Variants in FOXK2 observed in about 807,000 individuals in gnomAD.
The protein encoded by FOXK2 is forkhead box protein K2.
FOXK2 carries 24 observed loss-of-function variants against 53.3 expected under a neutral mutation model. The observed-to-expected ratio is 0.45, with a 90% CI of 0.33 to 0.63. The LOEUF is 0.63. Ranked by LOEUF, FOXK2 falls within the 30% of genes least tolerant of loss-of-function variation. FOXK2 has a pLI of 0.03. For missense variants in FOXK2, 952 were observed against 910.5 expected (o/e 1.05, Z -0.59); for synonymous variants, 505 against 407.1 (o/e 1.24, Z -2.89).
intron 4 of FOXK2, among the ~76,000 whole-genome samples, chr17:82,574,461 C>T (rs2044959591): frequency 6.6e-6 from 1 of 152,130 alleles, no homozygotes; most frequent in African/African-American, 2.4e-5. Flanking sequence ...GCTGGGACTA[C>T]AGGCTTGAGC....
chr17:82,527,012 A>G (rs1356521929), intron 1 of FOXK2, among the ~76,000 whole-genome samples: 1 of 152,106 alleles, frequency 6.6e-6, no homozygotes, highest in East Asian at 1.9e-4. Flanking sequence ...GTGTTTCCGT[A>G]TTGAAGGGCT....
chr17:82,563,565 G>T lies in FOXK2; in HGVS notation c.614+17G>T. ...AACCATCAGGTGCGGCCATGGGGAT[G>T]GGGGACTGGAGCATCCTTAGTCCCA... On this transcript the variant is annotated intron_variant, in intron 2 of 8. Coordinates refer to ENST00000335255, the MANE Select transcript of FOXK2 (RefSeq NM_004514.4). 6.2e-7 allele frequency: 1 copy of T among 1,607,002 alleles called. No homozygotes were observed. The highest frequency in any genetic ancestry group is 1.1e-5 in the South Asian group (1 of 90,528).
intron 1 of FOXK2, among the ~76,000 whole-genome samples, chr17:82,535,917 T>C (rs2044516356): frequency 6.6e-6 from 1 of 152,056 alleles, no homozygotes; most frequent in South Asian, 2.1e-4. Context: ...TAATTTTGTA[T>C]ATTTAGTGGA....
chr17:82,530,635 C>T (rs1049761740), intron 1 of FOXK2, among the ~76,000 whole-genome samples: 11 of 151,082 alleles, frequency 7.3e-5, no homozygotes, highest in Admixed American at 5.9e-4. Context: ...CTCAGTCTCC[C>T]GAGTAGCTGG....
intron 1 of FOXK2, among the ~76,000 whole-genome samples, chr17:82,533,740 T>C (rs1338296357): frequency 6.6e-6 from 1 of 151,970 alleles, no homozygotes; most frequent in Non-Finnish European, 1.5e-5. Flanking sequence ...GGCCCATCAT[T>C]GACTTGAAAC....
At position 82,601,333 on chromosome 17, in the gene FOXK2, C is replaced by T; in HGVS notation, c.1817C>T (p.Thr606Ile). The T allele has an allele frequency of 1.9e-6, 3 of 1,613,108 alleles. No homozygotes were observed. Among genetic ancestry groups the T allele is most frequent in the Non-Finnish European group, 1.7e-6 (2 of 1,179,976 alleles). Residue 606 changes from threonine (T) to isoleucine (I), a missense_variant, in exon 9 of 9, where the codon ACA becomes ATA. Physicochemically the swap from Thr to Ile is moderately conservative, Grantham distance 89. Transcript: ENST00000335255. ...AAASPLHMLA[T>I]HASASASLPT... The stretch of plus-strand genomic sequence containing the variant: ...GCGAGTCCTTTGCACATGTTGGCAA[C>T]ACACGCATCCGCATCGGCCTCCCTG...
At chr17:82,597,184 C>T (rs1050340493) in intron 8 of FOXK2, among the ~76,000 whole-genome samples, 21 of 152,208 alleles carry the variant, frequency 1.4e-4, no homozygotes, top group African/African-American at 4.8e-4. Context: ...GATGGTCCTT[C>T]CTGGCACCAT....
intron 1 of FOXK2, among the ~76,000 whole-genome samples, chr17:82,546,120 T>TG (rs2044622753): frequency 6.9e-6 from 1 of 144,140 alleles, no homozygotes; most frequent in Admixed American, 6.9e-5. Flanking sequence ...GTTGGTTTTT[T>TG]TTTTTTTTTT....
intron 2 of FOXK2, among the ~76,000 whole-genome samples, chr17:82,564,002 T>G (rs2044826450): frequency 6.6e-6 from 1 of 151,814 alleles, no homozygotes; most frequent in African/African-American, 2.4e-5. Flanking sequence ...TCCGCCCACC[T>G]CAGCCTCTCC....
intron 8 of FOXK2, among the ~76,000 whole-genome samples, chr17:82,589,968 C>T (rs577607611): frequency 1.3e-5 from 2 of 152,070 alleles, no homozygotes; most frequent in Non-Finnish European, 1.5e-5. Context: ...ATCGCTTGAA[C>T]CTGGGAGATG....
chr17:82,520,973 T>G (rs957735130), intron 1 of FOXK2, among the ~76,000 whole-genome samples: 2 of 152,154 alleles, frequency 1.3e-5, no homozygotes, highest in South Asian at 4.1e-4. Context: ...TATTACAAGG[T>G]CATGTAGAGT....
intron 1 of FOXK2, among the ~76,000 whole-genome samples, 193 bp downstream of exon 1, chr17:82,520,500 C>G (rs566945051): frequency 6.6e-6 from 1 of 151,552 alleles, no homozygotes; most frequent in African/African-American, 2.4e-5. Flanking sequence ...CCCCCGTCCT[C>G]CCGGTCCCCT....
intron 1 of FOXK2, among the ~76,000 whole-genome samples, chr17:82,562,890 C>CG (rs1322473282): frequency 6.6e-6 from 1 of 151,714 alleles, no homozygotes; most frequent in East Asian, 1.9e-4. Context: ...ACTGCAGCCT[C>CG]GACCTTCTGG....
intron 1 of FOXK2, among the ~76,000 whole-genome samples, chr17:82,554,432 C>T (rs970744066): frequency 6.6e-6 from 1 of 152,110 alleles, no homozygotes; most frequent in Non-Finnish European, 1.5e-5. Context: ...ATTTCCATTC[C>T]CACAAGAAAC....
chr17:82,560,828 G>A (rs2044785594), intron 1 of FOXK2, among the ~76,000 whole-genome samples: 1 of 152,126 alleles, frequency 6.6e-6, no homozygotes, highest in Admixed American at 6.5e-5. Context: ...TGGCATGGTG[G>A]CATGCGCCTC....
chr17:82,533,481 CTT>C (rs2044491606), intron 1 of FOXK2, among the ~76,000 whole-genome samples: 1 of 144,870 alleles, frequency 6.9e-6, no homozygotes, highest in Non-Finnish European at 1.5e-5. Flanking sequence ...TGGAGTGAGA[CTT>C]TGTCTCAAAA....
At chr17:82,545,486 A>G (rs2044615515) in intron 1 of FOXK2, among the ~76,000 whole-genome samples, 1 of 152,156 alleles carries the variant, frequency 6.6e-6, no homozygotes. Context: ...ATATTCTGCT[A>G]TAGGTAGACA....
intron 1 of FOXK2, among the ~76,000 whole-genome samples, chr17:82,535,729 C>T (rs1000380400): frequency 6.7e-5 from 10 of 148,554 alleles, no homozygotes; most frequent in Admixed American, 1.4e-4. Flanking sequence ...TTCCTTATCT[C>T]TTTTAGTTGT....
At chr17:82,533,253 G>C (rs1044052271) in intron 1 of FOXK2, among the ~76,000 whole-genome samples, 3 of 152,050 alleles carry the variant, frequency 2.0e-5, no homozygotes, top group African/African-American at 7.2e-5. Context: ...ACTTTGGGAG[G>C]CCAGGCGGGT....
Sources: allele counts gnomAD v4.1 joint callset (sites outside exome capture counted in the v4.1 genomes callset), GRCh38; gene constraint gnomAD v4.1.1; transcripts MANE v1.5; gene names NCBI Gene and HGNC (gene_info 2026-07-23, HGNC 2026-07-21).